EDN3: variants seen among roughly 807,000 people sequenced by gnomAD.
EDN3 encodes endothelin-3.
In EDN3, 9 loss-of-function variants were observed where a neutral mutation model predicts 21.4. The ratio of observed to expected loss-of-function variants is 0.42; its 90% CI spans 0.25 to 0.73. EDN3 has a LOEUF of 0.73. Among genes scored for constraint, EDN3 ranks in the 30% least tolerant of loss-of-function variants. The probability of loss-of-function intolerance (pLI) is 0.26; values close to 1 mark genes in which losing one functional copy is unlikely to be tolerated. For missense variants in EDN3, 327 were observed against 309.4 expected (o/e 1.06, Z -0.43); for synonymous variants, 133 against 126.2 (o/e 1.05, Z -0.36).
chr20:59,309,464 A>C (rs1989649885), intron 2 of EDN3, among the ~76,000 whole-genome samples: 2 of 152,160 alleles, frequency 1.3e-5, no homozygotes, highest in Admixed American at 6.5e-5. Flanking sequence ...ACCAGGAAGC[A>C]ATCGAGGAAA....
chr20:59,308,466 G>T (rs76372497), intron 2 of EDN3, among the ~76,000 whole-genome samples: 1 of 152,186 alleles, frequency 6.6e-6, no homozygotes, highest in Non-Finnish European at 1.5e-5. Context: ...AAATTGTCAC[G>T]TGGAGGAGGA....
chr20:59,307,512 T>G (rs1051081217), intron 2 of EDN3, among the ~76,000 whole-genome samples: 1 of 152,194 alleles, frequency 6.6e-6, no homozygotes, highest in Non-Finnish European at 1.5e-5. Flanking sequence ...GTGTGCATGT[T>G]CCCAACATGG....
chr20:59,304,338 T>C (rs1178465985), intron 2 of EDN3, among the ~76,000 whole-genome samples: 1 of 152,160 alleles, frequency 6.6e-6, no homozygotes, highest in Admixed American at 6.5e-5. Context: ...CCCCATTAGA[T>C]CACAACCCCA....
rs267606779 is a variant in EDN3, at chr20:59,301,634, C to G, written c.277C>G (p.Arg93Gly). The stretch of plus-strand genomic sequence containing the variant: ...GGCCGAGGGGGCCCCTGAGCACCAC[C>G]GATCCAGGCGCTGCACGTGCTTCAC... ...QAAEGAPEHH[R>G]SRRCTCFTYK... The change falls in exon 2 of 5, where the codon CGA becomes GGA. Residue 93 changes from arginine to glycine, a missense_variant. By Grantham distance (125) the Arg-to-Gly change is moderately radical (BLOSUM62 -2). Coordinates refer to ENST00000337938, the MANE Select transcript of EDN3 (RefSeq NM_207034.3). 6.2e-7 allele frequency: 1 copy of G among 1,614,148 alleles called. No homozygotes were observed. Among genetic ancestry groups the G allele is most frequent in the Non-Finnish European group, 8.5e-7 (1 of 1,179,996 alleles).
rs183515799 is a variant in EDN3, at chr20:59,305,517, G to A, written c.365+3795G>A. ...CAGATTATGCATATATCAGAAGTGC[G>A]GTTGCCAAAGGAAATATTTGGTTGC... On this transcript the variant is annotated intron_variant, in intron 2 of 4. Transcript: ENST00000337938. The surrounding 1 kb of genome is among the most constrained non-coding windows in gnomAD (Gnocchi z 4.2). Among the ~76,000 whole-genome samples the A allele has an allele frequency of 1.7e-3, 264 of 152,308 alleles. No homozygotes were observed. Among genetic ancestry groups the A allele is most frequent in the African/African-American group, 5.7e-3 (237 of 41,568 alleles).
intron 2 of EDN3, among the ~76,000 whole-genome samples, chr20:59,302,587 G>A (rs1269757161): frequency 6.6e-6 from 1 of 152,136 alleles, no homozygotes; most frequent in Non-Finnish European, 1.5e-5. Context: ...GACCTTGCCT[G>A]GGTCACCAAC....
chr20:59,320,800 C>G (rs1990485499), intron 2 of EDN3, among the ~76,000 whole-genome samples: 1 of 152,226 alleles, frequency 6.6e-6, no homozygotes, highest in Non-Finnish European at 1.5e-5. Context: ...TCCTTCCATG[C>G]CCTCAGCCCC....
rs1181559549 is a variant in EDN3, at chr20:59,301,674, A to C, written c.317A>C (p.Glu106Ala). ...RCTCFTYKDK[E>A]CVYYCHLDII... is the part of the protein sequence containing the mutation. ...ACGTGCTTCACCTACAAGGACAAGGAGTGTGTCTACTATTGCCACCTGGAC... is the reference window on the plus strand; with the variant it reads ...ACGTGCTTCACCTACAAGGACAAGGCGTGTGTCTACTATTGCCACCTGGAC... The change falls in exon 2 of 5, where the codon GAG becomes GCG. Residue 106 changes from glutamate to alanine, a missense_variant. By Grantham distance (107) the Glu-to-Ala change is moderately radical. Transcript: ENST00000337938. 1.2e-6 allele frequency: 2 copies of C among 1,614,030 alleles called. No homozygotes were observed. Among genetic ancestry groups the C allele is most frequent in the Non-Finnish European group, 1.7e-6 (2 of 1,180,020 alleles).
intron 2 of EDN3, among the ~76,000 whole-genome samples, chr20:59,319,607 T>C (rs1278431788): frequency 2.0e-5 from 3 of 151,358 alleles, no homozygotes; most frequent in African/African-American, 7.3e-5. Flanking sequence ...ATGCCTGTAG[T>C]CCCAGCTACT....
chr20:59,304,646 C>G (rs6070765), intron 2 of EDN3, among the ~76,000 whole-genome samples: 28 of 152,180 alleles, frequency 1.8e-4, no homozygotes, highest in African/African-American at 2.4e-5. Flanking sequence ...CTTCGAGGAT[C>G]TGAGATGCTG....
At chr20:59,306,246 C>A (rs139734741) in intron 2 of EDN3, among the ~76,000 whole-genome samples, 150 of 152,262 alleles carry the variant, frequency 9.9e-4, no homozygotes, top group African/African-American at 3.5e-3. Flanking sequence ...AAGAACAGGG[C>A]AGGATGTTGG....
intron 2 of EDN3, among the ~76,000 whole-genome samples, chr20:59,307,213 T>G (rs1989493062): frequency 1.3e-5 from 2 of 152,196 alleles, no homozygotes; most frequent in Admixed American, 6.5e-5. Flanking sequence ...TGTGGCCATA[T>G]GAGGCAGAGG....
In EDN3 at chr20:59,305,937, G is replaced by A. The variant is rs978040496; in HGVS notation, c.365+4215G>A. Among the ~76,000 whole-genome samples the A allele has an allele frequency of 6.6e-6, 1 of 152,168 alleles. No individual in the cohort carries two copies. Among genetic ancestry groups the A allele is most frequent in the African/African-American group, 2.4e-5 (1 of 41,436 alleles). On this transcript the variant is annotated intron_variant, in intron 2 of 4. Transcript: ENST00000337938. This position sits in a 1 kb window ranked among gnomAD's most constrained non-coding sequence, Gnocchi z 4.2. Reference sequence around the variant, plus strand: ...CAACTGGGCACAGTATCCTAGCCAAGTTGACACCTAAAGTGACCCATAACG... The same window carrying A: ...CAACTGGGCACAGTATCCTAGCCAAATTGACACCTAAAGTGACCCATAACG...
Position 59,300,783 on chromosome 20 carries a change from G to T in EDN3, c.-30G>T, listed in dbSNP as rs1018510705. 6.2e-7 allele frequency: 1 copy of T among 1,603,652 alleles called. No individual in the cohort carries two copies. The highest frequency in any genetic ancestry group is 8.5e-7 in the Non-Finnish European group (1 of 1,176,534). ...GCGGCCACAAGCGGCCGTCCTCCTG[G>T]TCCGGTGCTCCGGCGCCTGATCTAG... On this transcript the variant is annotated 5_prime_UTR_variant, in exon 1 of 5. Transcript: ENST00000337938.
chr20:59,302,226 A>G (rs878986365), intron 2 of EDN3, among the ~76,000 whole-genome samples: 1 of 152,160 alleles, frequency 6.6e-6, no homozygotes. Flanking sequence ...CTCGGGGTAG[A>G]ATTCCCCTGG....
In EDN3 at chr20:59,307,868, T is replaced by C. The variant is rs1989536799; in HGVS notation, c.365+6146T>C. Reference sequence around the variant, plus strand: ...ATTTAGTAATTTTTTTTTTTTTTTGTAGAGATCGGGTCTTGTTACATTGTT... The same window carrying C: ...ATTTAGTAATTTTTTTTTTTTTTTGCAGAGATCGGGTCTTGTTACATTGTT... On this transcript the variant is annotated intron_variant, in intron 2 of 4. Transcript: ENST00000337938. Among the ~76,000 whole-genome samples, 3 of 148,550 alleles carry C rather than the reference T, an allele frequency of 2.0e-5. No homozygotes were observed. In the South Asian group the frequency reaches 6.4e-4, roughly 32 times the overall value.
At chr20:59,311,254 G>T (rs919157527) in intron 2 of EDN3, among the ~76,000 whole-genome samples, 1 of 152,088 alleles carries the variant, frequency 6.6e-6, no homozygotes, top group African/African-American at 2.4e-5. Flanking sequence ...AAGGGGTCCC[G>T]ATCCAGACCC....
At chr20:59,304,785 C>T (rs947415333) in intron 2 of EDN3, among the ~76,000 whole-genome samples, 1 of 152,132 alleles carries the variant, frequency 6.6e-6, no homozygotes, top group African/African-American at 2.4e-5. Context: ...TCTGAGATTC[C>T]TCGGCTGTCC....
At position 59,301,508 on chromosome 20, in the gene EDN3, G is replaced by A; in HGVS notation, c.151G>A (p.Ala51Thr). 6.2e-7 allele frequency: 1 copy of A among 1,612,934 alleles called. No individual in the cohort carries two copies. Among genetic ancestry groups the A allele is most frequent in the Non-Finnish European group, 8.5e-7 (1 of 1,179,742 alleles). Residue 51 changes from alanine to threonine, a missense_variant, in exon 2 of 5, where the codon GCT becomes ACT. Physicochemically the swap from Ala to Thr is moderately conservative, Grantham distance 58. Coordinates refer to ENST00000337938, the MANE Select transcript of EDN3 (RefSeq NM_207034.3). Reference protein sequence around the residue: ...RSEGDCEETVAGPGEETVAGP... With the variant: ...RSEGDCEETVTGPGEETVAGP... ...TGAGGGGGACTGTGAAGAGACTGTG[G>A]CTGGCCCTGGCGAGGAGACTGTGGC...
Sources: allele counts gnomAD v4.1 joint callset (sites outside exome capture counted in the v4.1 genomes callset), GRCh38; gene constraint gnomAD v4.1.1; non-coding constraint Gnocchi (gnomAD v3.1); transcripts MANE v1.5; gene names NCBI Gene and HGNC (gene_info 2026-07-23, HGNC 2026-07-21).